SLC14A2: variants seen among roughly 807,000 people sequenced by gnomAD.
The protein encoded by SLC14A2 is urea transporter 2.
Under a neutral mutation model 104.6 loss-of-function variants are expected in SLC14A2, and 91 were observed. The observed-to-expected ratio is 0.87, with a 90% CI of 0.73 to 1.04. SLC14A2 has a LOEUF of 1.04. Ranked by LOEUF, SLC14A2 falls within the 50% of genes least tolerant of loss-of-function variation. SLC14A2 has a pLI of 0.00. For missense variants in SLC14A2, 1,189 were observed against 1,156.0 expected, an observed-to-expected ratio of 1.03 and a Z score of -0.41; for synonymous variants, 476 against 466.4, an observed-to-expected ratio of 1.02 and a Z score of -0.27.
chr18:45,533,688 CT>C (rs2043736697), intron 2 of SLC14A2, among the ~76,000 whole-genome samples: 1 of 152,124 alleles, frequency 6.6e-6, no homozygotes, highest in Non-Finnish European at 1.5e-5. Context: ...TTTTTTGTGT[CT>C]CTATTTCCTT....
At chr18:45,207,372 G>A in the SLC14A2 span, among the ~76,000 whole-genome samples, 74 of 141,154 alleles carry the variant, frequency 5.2e-4, no homozygotes, top group Non-Finnish European at 1.0e-3. Flanking sequence ...GAGGGGAAAA[G>A]AAGGAAGGAA....
At chr18:45,232,651 A>AAC (rs143005118) in intron 1 of SLC14A2, among the ~76,000 whole-genome samples, 2,338 of 152,332 alleles carry the variant, frequency 0.015, 33 homozygotes, top group Non-Finnish European at 0.021. Flanking sequence ...TCTGTTTGTG[A>AAC]ACCAACTCAA....
At chr18:45,495,755 TAAGAG>T (rs1240658222) in intron 2 of SLC14A2, among the ~76,000 whole-genome samples, 4 of 152,198 alleles carry the variant, frequency 2.6e-5, no homozygotes, top group African/African-American at 9.7e-5. Context: ...TAATGGCCCT[TAAGAG>T]AAGCCAGTTA....
At chr18:45,587,813 CA>C (rs2044589297) in intron 2 of SLC14A2, among the ~76,000 whole-genome samples, 1 of 152,136 alleles carries the variant, frequency 6.6e-6, no homozygotes, top group African/African-American at 2.4e-5. Context: ...CCACCCTCAC[CA>C]GTTCACGGTC....
At chr18:45,183,796 T>C in the SLC14A2 span, among the ~76,000 whole-genome samples, 1 of 151,750 alleles carries the variant, frequency 6.6e-6, no homozygotes, top group East Asian at 1.9e-4. Context: ...AGTGCAGTGG[T>C]GTGATCATAG....
chr18:45,243,412 T>A (rs2084337413), intron 1 of SLC14A2, among the ~76,000 whole-genome samples: 1 of 152,176 alleles, frequency 6.6e-6, no homozygotes. Context: ...TTCACCCAGC[T>A]TGGATTTGAA....
chr18:45,623,030 G>A (rs2045200896), intron 1 of SLC14A2, among the ~76,000 whole-genome samples: 1 of 152,152 alleles, frequency 6.6e-6, no homozygotes, highest in South Asian at 2.1e-4. Flanking sequence ...AAGCATGAGG[G>A]AGGGAGACAG....
intron 6 of SLC14A2, among the ~76,000 whole-genome samples, chr18:45,639,452 G>A (rs1303769898): frequency 1.4e-4 from 22 of 152,278 alleles, no homozygotes. Flanking sequence ...TAGGGAGGAG[G>A]TGCATTCTGG....
At chr18:45,524,216 T>C (rs1054334916) in intron 2 of SLC14A2, among the ~76,000 whole-genome samples, 1 of 152,238 alleles carries the variant, frequency 6.6e-6, no homozygotes, top group Admixed American at 6.5e-5. Context: ...GACTTGACTG[T>C]TTACAGACCT....
chr18:45,254,741 G>A (rs1003162601), intron 1 of SLC14A2, among the ~76,000 whole-genome samples: 12 of 152,086 alleles, frequency 7.9e-5, no homozygotes, highest in African/African-American at 2.4e-4. Context: ...GTGGGGGACC[G>A]TAAGCCATCC....
At chr18:45,210,751 C>T (rs146102322), upstream of SLC14A2, among the ~76,000 whole-genome samples, 675 of 152,236 alleles carry the variant, frequency 4.4e-3, 8 homozygotes, top group African/African-American at 0.015. Flanking sequence ...TTAACCAAAC[C>T]ATTCAAATTT....
intron 2 of SLC14A2, among the ~76,000 whole-genome samples, chr18:45,609,145 C>G (rs1159831803): frequency 1.3e-5 from 2 of 152,154 alleles, no homozygotes; most frequent in Admixed American, 1.3e-4. Flanking sequence ...ATCCATCTGT[C>G]TCCCTGTCTC....
At chr18:45,531,671 G>A (rs1282692139) in intron 2 of SLC14A2, among the ~76,000 whole-genome samples, 2 of 152,114 alleles carry the variant, frequency 1.3e-5, no homozygotes, top group Non-Finnish European at 2.9e-5. Context: ...TCTGATGGTG[G>A]TTTCTTTTGC....
In SLC14A2 at chr18:45,457,687, TAA is replaced by T. The variant is rs3058359; in HGVS notation, c.-124-25531_-124-25530del. ...TGGCAATCAGAAAGGTTATGGAGGT[TAA>T]AAAAAAAAAAAAAAGGAAATCTGCA... On this transcript the variant is annotated intron_variant, in intron 1 of 20. Coordinates refer to the SLC14A2 transcript ENST00000586448. Among the ~76,000 whole-genome samples the T allele has an allele frequency of 9.4e-3, 1,350 of 143,974 alleles. 3 individuals carry two copies. The highest frequency in any genetic ancestry group is 0.025 in the Middle Eastern group (7 of 278). The allele number at this position is 143,974 out of a possible 152,430, so 94.5% of individuals were successfully genotyped here.
intron 2 of SLC14A2, among the ~76,000 whole-genome samples, chr18:45,549,520 G>A (rs1372045535): frequency 6.6e-6 from 1 of 152,196 alleles, no homozygotes; most frequent in Admixed American, 6.5e-5. Flanking sequence ...GGAAGCAGGG[G>A]GGAAGAAATC....
At chr18:45,497,833 T>C (rs1052534310) in intron 2 of SLC14A2, among the ~76,000 whole-genome samples, 7 of 152,104 alleles carry the variant, frequency 4.6e-5, no homozygotes, top group African/African-American at 1.7e-4. Flanking sequence ...CCAGCGAAAA[T>C]GGCCCAATGA....
At chr18:45,569,614 C>T (rs2044317786) in intron 2 of SLC14A2, among the ~76,000 whole-genome samples, 1 of 152,206 alleles carries the variant, frequency 6.6e-6, no homozygotes, top group Admixed American at 6.5e-5. Flanking sequence ...AGAAAGTCCA[C>T]CCTAGCTGAC....
At chr18:45,211,358 A>G (rs1374121368), upstream of SLC14A2, among the ~76,000 whole-genome samples, 8 of 152,298 alleles carry the variant, frequency 5.3e-5, no homozygotes, top group African/African-American at 1.7e-4. Flanking sequence ...AAACTAACCA[A>G]TCTTAGACCA....
chr18:45,535,511 G>T (rs983472244), intron 2 of SLC14A2, among the ~76,000 whole-genome samples: 3 of 152,152 alleles, frequency 2.0e-5, no homozygotes, highest in Non-Finnish European at 4.4e-5. Context: ...TCATCTTACA[G>T]ATGAGGAAGC....
Sources: allele counts gnomAD v4.1 joint callset (sites outside exome capture counted in the v4.1 genomes callset), GRCh38; gene constraint gnomAD v4.1.1; transcripts MANE v1.5; gene names NCBI Gene and HGNC (gene_info 2026-07-23, HGNC 2026-07-21).